Variants in PDGFB observed in about 807,000 individuals in gnomAD.
PDGFB encodes platelet derived growth factor subunit B, also known as platelet-derived growth factor subunit B.
In PDGFB, 6 loss-of-function variants were observed where a neutral mutation model predicts 29.0. That is an observed-to-expected ratio of 0.21 (90% confidence interval 0.11 to 0.41). PDGFB has a LOEUF of 0.41. Among genes scored for constraint, PDGFB ranks in the 10% least tolerant of loss-of-function variants. The pLI is 1.00. For missense variants in PDGFB, 299 were observed against 341.8 expected, an observed-to-expected ratio of 0.87 and a Z score of 0.99; for synonymous variants, 144 against 140.8, an observed-to-expected ratio of 1.02 and a Z score of -0.16.
intron 1 of PDGFB, among the ~76,000 whole-genome samples, chr22:39,237,568 C>T (rs1932475658): frequency 6.6e-6 from 1 of 152,340 alleles, no homozygotes; most frequent in East Asian, 1.9e-4. Flanking sequence ...TGCCTCCTCC[C>T]GCCCTCAAGC....
chr22:39,244,276 T>G lies in PDGFB; in HGVS notation c.-313A>C. On this transcript the variant is annotated 5_prime_UTR_variant, in exon 1 of 7. Coordinates refer to ENST00000331163, the MANE Select transcript of PDGFB (RefSeq NM_002608.4). The surrounding 1 kb of genome is among the most constrained non-coding windows in gnomAD (Gnocchi z 4.5). ...TGCGTCGCGAACCAGCCGAGGCGTC[T>G]AGCCGTGTGGGGGCGCCCAGGGGAC... 2 of 222,530 alleles carry G rather than the reference T, an allele frequency of 9.0e-6. No homozygotes were observed. Among genetic ancestry groups the G allele is most frequent in the Admixed American group, 5.8e-5 (1 of 17,224 alleles). 13.8% of individuals were successfully genotyped at this position (222,530 alleles called of 1,614,324 possible).
At chr22:39,234,820 G>A (rs1932400994) in intron 2 of PDGFB, among the ~76,000 whole-genome samples, 1 of 152,232 alleles carries the variant, frequency 6.6e-6, no homozygotes, top group Non-Finnish European at 1.5e-5. Context: ...GGGGTGTGGA[G>A]GGGCCGTCTG....
intron 5 of PDGFB, among the ~76,000 whole-genome samples, chr22:39,229,830 G>C (rs1932253089): frequency 6.6e-6 from 1 of 152,216 alleles, no homozygotes; most frequent in African/African-American, 2.4e-5. Context: ...TACTGAAAGA[G>C]GCCTGCCCGG....
At chr22:39,237,978 C>A (rs533780837) in intron 1 of PDGFB, among the ~76,000 whole-genome samples, 1 of 152,206 alleles carries the variant, frequency 6.6e-6, no homozygotes, top group Non-Finnish European at 1.5e-5. Context: ...ATTCAATTAA[C>A]CCCCCAGGGG....
In PDGFB at chr22:39,224,287, T is replaced by C. The variant is rs973313076; in HGVS notation, c.*1055A>G. The C allele has an allele frequency of 9.9e-5, 15 of 152,190 alleles. No individual in the cohort carries two copies. Among genetic ancestry groups the C allele is most frequent in the Admixed American group, 7.2e-4 (11 of 15,284 alleles). 9.4% of individuals were successfully genotyped at this position (152,190 alleles called of 1,614,324 possible). A position where few individuals can be genotyped will look rare whatever the true frequency, so the allele number is the denominator to read the frequency against. On this transcript the variant is annotated 3_prime_UTR_variant, in exon 7 of 7. Coordinates refer to ENST00000331163, the MANE Select transcript of PDGFB (RefSeq NM_002608.4). ...CTGCCAGAAATTGTCATAATAAATA[T>C]ACAAATCAGCTTTATCTATGATGTG...
At chr22:39,230,301 C>T (rs535004629) in intron 4 of PDGFB, 73 bp from the exon 5 acceptor site, 45 of 1,479,190 alleles carry the variant, frequency 3.0e-5, no homozygotes, top group Admixed American at 5.2e-5. Context: ...GAATGGCTTG[C>T]GCTTCCCACC....
chr22:39,229,074 A>C (rs1276115838), intron 5 of PDGFB, among the ~76,000 whole-genome samples: 1 of 152,130 alleles, frequency 6.6e-6, no homozygotes, highest in Non-Finnish European at 1.5e-5. Flanking sequence ...CTCCGTCTTC[A>C]GGGTCTTGTT....
chr22:39,228,405 G>GA (rs1569134658), intron 5 of PDGFB, among the ~76,000 whole-genome samples: 2 of 150,784 alleles, frequency 1.3e-5, no homozygotes, highest in African/African-American at 4.9e-5. Flanking sequence ...CCTGAGCAAC[G>GA]AATCAAGACC....
Position 39,230,149 on chromosome 22 carries a change from T to C in PDGFB, c.536A>G (p.Lys179Arg). Residue 179 changes from lysine to arginine, a missense_variant, in exon 5 of 7, where the codon AAG becomes AGG. Physicochemically the swap from Lys to Arg is conservative, Grantham distance 26 (BLOSUM62 2). Coordinates refer to ENST00000331163, the MANE Select transcript of PDGFB (RefSeq NM_002608.4). ...CCGTGCAGCTGCCACTGTCTCACAC[T>C]TGCATGCCAGGTGGTCTTCCAGCGT... Reference protein sequence around the residue: ...TVTLEDHLACKCETVAAARPV... With the variant: ...TVTLEDHLACRCETVAAARPV... 1 of 1,614,084 alleles carries C rather than the reference T, an allele frequency of 6.2e-7. No homozygotes were observed. The highest frequency in any genetic ancestry group is 8.5e-7 in the Non-Finnish European group (1 of 1,180,024).
At chr22:39,227,944 C>T (rs1309492432) in intron 5 of PDGFB, among the ~76,000 whole-genome samples, 1 of 152,164 alleles carries the variant, frequency 6.6e-6, no homozygotes, top group Non-Finnish European at 1.5e-5. Flanking sequence ...CAGAAGACAC[C>T]AGGAGGGCCA....
Position 39,231,664 on chromosome 22 carries a change from G to T in PDGFB, c.414C>A (p.Asn138Lys). The change falls in exon 4 of 7, where the codon AAC (asparagine) becomes AAA (lysine). Residue 138 changes from asparagine to lysine, a missense_variant. Asn to Lys is a moderately conservative substitution (Grantham distance 94). Transcript: ENST00000331163. This position sits in a 1 kb window ranked among gnomAD's most constrained non-coding sequence, Gnocchi z 4.3. ...QRCSGCCNNR[N>K]VQCRPTQVQL... is the part of the protein sequence containing the mutation. Reference sequence around the variant, plus strand: ...GCACCTGGGTGGGGCGGCACTGCACGTTGCGGTTGTTGCAGCAGCCGGAGC... The same window carrying T: ...GCACCTGGGTGGGGCGGCACTGCACTTTGCGGTTGTTGCAGCAGCCGGAGC... The T allele has an allele frequency of 2.5e-6, 4 of 1,590,470 alleles. No individual in the cohort carries two copies. Among genetic ancestry groups the T allele is most frequent in the South Asian group, 2.3e-5 (2 of 87,584 alleles).
rs1380816418 is a variant in PDGFB, at chr22:39,224,557, G to A, written c.*785C>T. On this transcript the variant is annotated 3_prime_UTR_variant, in exon 7 of 7. Coordinates refer to ENST00000331163, the MANE Select transcript of PDGFB (RefSeq NM_002608.4). ...GCAGGGTGGAGGTAGAGAGATGAAA[G>A]GAACCAGAGGAAGAGGTGAATCAGA... 6.5e-6 allele frequency: 1 copy of A among 152,852 alleles called. No homozygotes were observed. Among genetic ancestry groups the A allele is most frequent in the Non-Finnish European group, 1.5e-5 (1 of 68,136 alleles). The allele number at this position is 152,852 out of a possible 1,614,324, so 9.5% of individuals were successfully genotyped here. A position where few individuals can be genotyped will look rare whatever the true frequency, so the allele number is the denominator to read the frequency against.
At position 39,236,877 on chromosome 22, in the gene PDGFB, G is replaced by A. The variant is rs1932456167; in HGVS notation, c.64-1003C>T. On this transcript the variant is annotated intron_variant, in intron 1 of 6. Transcript: ENST00000331163. ...CACGTGTGCAAACACACACGTGCAG[G>A]CACAGGCACTCGGGCTGCACGGTCT... 2.6e-5 allele frequency among the ~76,000 whole-genome samples: 4 copies of A among 152,186 alleles called. No homozygotes were observed. In the South Asian group the frequency reaches 8.3e-4, roughly 31 times the overall value.
rs369782393 is a variant in PDGFB at position 39,230,241 on chromosome 22, G to C, written c.457-13C>G. On this transcript the variant is annotated splice_polypyrimidine_tract_variant and intron_variant, in intron 4 of 6. Coordinates refer to ENST00000331163, the MANE Select transcript of PDGFB (RefSeq NM_002608.4). Reference sequence around the variant, plus strand: ...CGATCTTTCTCACCTGGAGGACAGAGCCACAAAATGCCTCTGTAGAGACCA... The same window carrying C: ...CGATCTTTCTCACCTGGAGGACAGACCCACAAAATGCCTCTGTAGAGACCA... 6.2e-7 allele frequency: 1 copy of C among 1,613,168 alleles called. No individual in the cohort carries two copies. Among genetic ancestry groups the C allele is most frequent in the Non-Finnish European group, 8.5e-7 (1 of 1,179,986 alleles).
chr22:39,240,601 A>G (rs1247125890), intron 1 of PDGFB, among the ~76,000 whole-genome samples: 3 of 151,808 alleles, frequency 2.0e-5, no homozygotes, highest in African/African-American at 7.3e-5. Context: ...CCATGGAGCA[A>G]CAGGGGGCCA....
In PDGFB at chr22:39,240,941, ACTCT is replaced by A. The variant is rs111778157; in HGVS notation, c.63+2956_63+2959del. The A allele has an allele frequency of 4.7e-3, 1,909 of 404,188 alleles. 6 individuals carry two copies. Among genetic ancestry groups the A allele is most frequent in the Admixed American group, 0.028 (98 of 3,562 alleles). 25.0% of individuals were successfully genotyped at this position (404,188 alleles called of 1,614,324 possible). On this transcript the variant is annotated intron_variant, in intron 1 of 6. Coordinates refer to ENST00000331163, the MANE Select transcript of PDGFB (RefSeq NM_002608.4). Reference sequence around the variant, plus strand: ...GATGCGCACACACACACACACACACACTCTCTCTCTCTCTCTCTTCCTGGCTCTT... The same window carrying A: ...GATGCGCACACACACACACACACACACTCTCTCTCTCTCTTCCTGGCTCTT...
chr22:39,229,306 C>A (rs1932240867), intron 5 of PDGFB, among the ~76,000 whole-genome samples: 1 of 152,152 alleles, frequency 6.6e-6, no homozygotes, highest in Non-Finnish European at 1.5e-5. Context: ...CCCACCTCAG[C>A]CTCCTAAGTA....
At chr22:39,240,728 T>C in intron 1 of PDGFB, 1 of 1,107,538 alleles carries the variant, frequency 9.0e-7, no homozygotes, top group Non-Finnish European at 1.4e-6. Flanking sequence ...AGCTCTCTAA[T>C]GGGGTTGACA....
rs1239970504 is a variant in PDGFB at position 39,242,127 on chromosome 22, GC to G, written c.63+1773del. The G allele has an allele frequency of 4.4e-6, 1 of 225,654 alleles. No homozygotes were observed. The highest frequency in any genetic ancestry group is 8.8e-6 in the Non-Finnish European group (1 of 113,104). The allele number at this position is 225,654 out of a possible 1,614,324, so 14.0% of individuals were successfully genotyped here. On this transcript the variant is annotated intron_variant, in intron 1 of 6. Coordinates refer to ENST00000331163, the MANE Select transcript of PDGFB (RefSeq NM_002608.4). This position sits in a 1 kb window ranked among gnomAD's most constrained non-coding sequence, Gnocchi z 5.7. ...GCGCACGTGTGCTCAGGCCGCGCGT[GC>G]AGGGGCCGTGCGTGCGTTTGTGTGC...
Sources: gnomAD v4.1 joint callset for allele counts (sites outside exome capture counted in the v4.1 genomes callset) on GRCh38, gnomAD v4.1.1 for gene constraint, Gnocchi (gnomAD v3.1) non-coding constraint, MANE v1.5 for transcripts, NCBI Gene and HGNC (gene_info 2026-07-23, HGNC 2026-07-21) for gene names.